The following MAP1A variants were observed in gnomAD, a reference collection of about 807,000 sequenced individuals.
MAP1A encodes the protein microtubule associated protein 1A, also known as microtubule-associated protein 1A.
A neutral mutation model predicts 185.9 loss-of-function variants in MAP1A; 42 were observed. That is an observed-to-expected ratio of 0.23 (90% CI 0.18 to 0.29). The LOEUF is 0.29. Among genes scored for constraint, MAP1A ranks in the 10% least tolerant of loss-of-function variants. The pLI is 1.00. For synonymous variants in MAP1A, 1,229 were observed against 1,335.9 expected (o/e 0.92, Z 1.74); for missense variants, 2,995 against 3,450.4 (o/e 0.87, Z 3.31).
rs753978176 is a variant in MAP1A, at chr15:43,528,726, G to A, written c.7253G>A (p.Gly2418Asp). 35 of 1,613,022 alleles carry A rather than the reference G, an allele frequency of 2.2e-5. 1 individual carries two copies. The highest frequency in any genetic ancestry group is 2.5e-5 in the Non-Finnish European group (30 of 1,179,560). Residue 2418 changes from glycine to aspartate, a missense_variant, in exon 4 of 6, where the codon GGC (glycine) becomes GAC (aspartate). Physicochemically the swap from Gly to Asp is moderately conservative, Grantham distance 94. Transcript: ENST00000300231. ...SPEQPVCPAG[G>D]SGGPPSSASP... The stretch of plus-strand genomic sequence containing the variant: ...GAGCAGCCAGTGTGTCCTGCAGGGG[G>A]CTCCGGGGGCCCACCCAGCAGTGCC...
At chr15:43,512,275 C>G in exon 2 of MAP1A, 2 of 1,543,888 alleles carry the variant, frequency 1.3e-6, no homozygotes, top group East Asian at 2.4e-5. Flanking sequence ...TAGCTCACTT[C>G]TCCTCAGAGG....
chr15:43,517,528 G>C (rs374278565), upstream of MAP1A: 4 of 192,386 alleles, frequency 2.1e-5, no homozygotes, highest in Non-Finnish European at 3.8e-5. Context: ...CCAGTGCCTC[G>C]TCACGGACCA....
intron 1 of MAP1A, among the ~76,000 whole-genome samples, chr15:43,511,657 T>C (rs2079279287): frequency 6.6e-6 from 1 of 152,212 alleles, no homozygotes; most frequent in Non-Finnish European, 1.5e-5. Flanking sequence ...TGAATGCCAG[T>C]AGCCAACCAC....
chr15:43,529,453 G>T lies in MAP1A; in HGVS notation c.7980G>T (p.Lys2660Asn). The stretch of plus-strand genomic sequence containing the variant: ...GCCAGGTCACCCCAGCAGAGGAAAA[G>T]GATGGACACAGCCCCATGTCCAAAG... ...TTSQVTPAEE[K>N]DGHSPMSKGL... Residue 2660 changes from lysine to asparagine, a missense_variant, in exon 4 of 6, where the codon AAG (lysine) becomes AAT (asparagine). Physicochemically the swap from Lys to Asn is moderately conservative, Grantham distance 94. Coordinates refer to ENST00000300231, the MANE Select transcript of MAP1A (RefSeq NM_002373.6). The surrounding 1 kb of genome is among the most constrained non-coding windows in gnomAD (Gnocchi z 4.3). The T allele has an allele frequency of 6.2e-7, 1 of 1,613,538 alleles. No homozygotes were observed. Among genetic ancestry groups the T allele is most frequent in the Non-Finnish European group, 8.5e-7 (1 of 1,179,684 alleles).
Position 43,529,755 on chromosome 15 carries a change from G to A in MAP1A, c.8141G>A (p.Arg2714Gln), listed in dbSNP as rs764645515. ...GKTADLDFFR[R>Q]VRASYYVVSG... Reference sequence around the variant, plus strand: ...ACTGCTGACCTTGACTTCTTCCGTCGAGTGCGTGCATCCTACTATGTGGTC... The same window carrying A: ...ACTGCTGACCTTGACTTCTTCCGTCAAGTGCGTGCATCCTACTATGTGGTC... Residue 2714 changes from arginine (R) to glutamine (Q), a missense_variant, in exon 5 of 6, where the codon CGA becomes CAA. By Grantham distance (43) the Arg-to-Gln change is conservative. Transcript: ENST00000300231. This position sits in a 1 kb window ranked among gnomAD's most constrained non-coding sequence, Gnocchi z 4.3. The A allele has an allele frequency of 5.0e-6, 8 of 1,613,990 alleles. No homozygotes were observed. Among genetic ancestry groups the A allele is most frequent in the African/African-American group, 1.3e-5 (1 of 74,904 alleles).
In MAP1A at chr15:43,522,986, C is replaced by G; in HGVS notation, c.1513C>G (p.Pro505Ala). The change falls in exon 4 of 6, where the codon CCC becomes GCC. Residue 505 changes from proline to alanine, a missense_variant. By Grantham distance (27) the Pro-to-Ala change is conservative (BLOSUM62 -1). Around this residue, in one of 3 missense-constraint regions of MAP1A, gnomAD observed 2,728 missense variants for 2,986.0 expected, o/e 0.91. Coordinates refer to ENST00000300231, the MANE Select transcript of MAP1A (RefSeq NM_002373.6). The surrounding 1 kb of genome is among the most constrained non-coding windows in gnomAD (Gnocchi z 5.9). ...GGAGCTGTCTTCTGAGCCCCAGACA[C>G]CCCCAGCCCAGAAGGGAACTGTACC... ...EKELSSEPQT[P>A]PAQKGTVPLP... is the part of the protein sequence containing the mutation. 8.7e-6 allele frequency: 14 copies of G among 1,614,196 alleles called. No individual in the cohort carries two copies. Among genetic ancestry groups the G allele is most frequent in the Non-Finnish European group, 1.2e-5 (14 of 1,180,038 alleles).
intron 1 of MAP1A, among the ~76,000 whole-genome samples, chr15:43,519,748 G>T (rs1433217333): frequency 2.0e-5 from 3 of 152,168 alleles, no homozygotes; most frequent in African/African-American, 7.2e-5. Flanking sequence ...CATGGCCTGG[G>T]GAACACCCTG....
Position 43,526,119 on chromosome 15 carries a change from A to G in MAP1A, c.4646A>G (p.Gln1549Arg), listed in dbSNP as rs1225001350. 6.2e-7 allele frequency: 1 copy of G among 1,613,980 alleles called. No homozygotes were observed. The highest frequency in any genetic ancestry group is 8.5e-7 in the Non-Finnish European group (1 of 1,180,052). ...GATAAAGTCTCAGAAAAGAAGGATC[A>G]GGCCTTAGAACAAAAATACTGGGCT... Reference protein sequence around the residue: ...QKDKVSEKKDQALEQKYWALG... With the variant: ...QKDKVSEKKDRALEQKYWALG... Residue 1549 changes from glutamine to arginine, a missense_variant, in exon 4 of 6, where the codon CAG becomes CGG. Physicochemically the swap from Gln to Arg is conservative, Grantham distance 43 (BLOSUM62 1). Around this residue, in one of 3 missense-constraint regions of MAP1A, gnomAD observed 2,728 missense variants for 2,986.0 expected, o/e 0.91. Coordinates refer to ENST00000300231, the MANE Select transcript of MAP1A (RefSeq NM_002373.6). The surrounding 1 kb of genome is among the most constrained non-coding windows in gnomAD (Gnocchi z 4.7).
rs769939842 is a variant in MAP1A, at chr15:43,529,449, A to G, written c.7976A>G (p.Glu2659Gly). 1 of 1,613,410 alleles carries G rather than the reference A, an allele frequency of 6.2e-7. No homozygotes were observed. The highest frequency in any genetic ancestry group is 1.1e-5 in the South Asian group (1 of 91,014). ...ACAAGCCAGGTCACCCCAGCAGAGGAAAAGGATGGACACAGCCCCATGTCC... is the reference window on the plus strand; with the variant it reads ...ACAAGCCAGGTCACCCCAGCAGAGGGAAAGGATGGACACAGCCCCATGTCC... ...STTSQVTPAE[E>G]KDGHSPMSKG... The change falls in exon 4 of 6, where the codon GAA becomes GGA. Residue 2659 changes from glutamate to glycine, a missense_variant. Physicochemically the swap from Glu to Gly is moderately conservative, Grantham distance 98 (BLOSUM62 -2). Around this residue, in one of 3 missense-constraint regions of MAP1A, gnomAD observed 2,728 missense variants for 2,986.0 expected, o/e 0.91. Transcript: ENST00000300231. This position sits in a 1 kb window ranked among gnomAD's most constrained non-coding sequence, Gnocchi z 4.3.
chr15:43,514,709 C>T (rs2079292237), upstream of MAP1A, among the ~76,000 whole-genome samples: 2 of 152,264 alleles, frequency 1.3e-5, no homozygotes, highest in African/African-American at 4.8e-5. Flanking sequence ...CTGGTAAAAG[C>T]TTTCAAAGGT....
At chr15:43,515,995 T>G (rs2079295754), upstream of MAP1A, among the ~76,000 whole-genome samples, 1 of 152,166 alleles carries the variant, frequency 6.6e-6, no homozygotes, top group African/African-American at 2.4e-5. Context: ...ATGGGTGGGC[T>G]CTGTATTGGT....
exon 2 of MAP1A, chr15:43,512,289 A>G (rs1250741872): frequency 6.5e-7 from 1 of 1,529,908 alleles, no homozygotes; most frequent in Non-Finnish European, 8.9e-7. Flanking sequence ...TCAGAGGTCA[A>G]AGGTTAGGAC....
chr15:43,520,512 C>T, intron 1 of MAP1A, 129 bp from the exon 2 acceptor site: 1 of 688,414 alleles, frequency 1.5e-6, no homozygotes, highest in Non-Finnish European at 2.6e-6. Context: ...CAGCAGTATC[C>T]AAGGTGGCAG....
chr15:43,518,733 G>T (rs1020997324), intron 1 of MAP1A, among the ~76,000 whole-genome samples: 2 of 120,592 alleles, frequency 1.7e-5, no homozygotes, highest in African/African-American at 8.1e-5. Context: ...TCCAGCACTG[G>T]CTGAGCACTG....
chr15:43,527,284 C>T lies in MAP1A; in HGVS notation c.5811C>T (p.Ala1937=), dbSNP rs748927119. 3 of 1,614,132 alleles carry T rather than the reference C, an allele frequency of 1.9e-6. No individual in the cohort carries two copies. The highest frequency in any genetic ancestry group is 1.7e-5 in the Admixed American group (1 of 60,026). ...KSSHSSKVPE[A]SKSHATTEPE... The stretch of plus-strand genomic sequence containing the variant: ...CACACAGCTCAAAGGTACCAGAGGC[C>T]AGCAAAAGCCATGCCACCACGGAGC... Residue 1937 remains alanine, a synonymous_variant, in exon 4 of 6, where the codon GCC becomes GCT. Transcript: ENST00000300231.
In MAP1A at chr15:43,523,455, TGGA is replaced by T. The variant is rs1004032296; in HGVS notation, c.1988_1990del (p.Glu663del). 6.2e-7 allele frequency: 1 copy of T among 1,613,526 alleles called. No individual in the cohort carries two copies. Among genetic ancestry groups the T allele is most frequent in the African/African-American group, 1.3e-5 (1 of 74,776 alleles). On this transcript the variant is annotated inframe_deletion, in exon 4 of 6. Coordinates refer to ENST00000300231, the MANE Select transcript of MAP1A (RefSeq NM_002373.6). ...ATAGAAAAGGCTGAGTTAGAAGAAA[TGGA>T]GGAGGTACACCCTTCAGATGAGGAG...
Position 43,529,764 on chromosome 15 carries a change from C to T in MAP1A, c.8150C>T (p.Ala2717Val). 1 of 1,614,150 alleles carries T rather than the reference C, an allele frequency of 6.2e-7. No homozygotes were observed. The change falls in exon 5 of 6, where the codon GCA (alanine) becomes GTA (valine). Residue 2717 changes from alanine to valine, a missense_variant. This residue lies in a region of MAP1A where 2,728 missense variants were observed against 2,986.0 expected (regional missense o/e 0.91). Coordinates refer to ENST00000300231, the MANE Select transcript of MAP1A (RefSeq NM_002373.6). The surrounding 1 kb of genome is among the most constrained non-coding windows in gnomAD (Gnocchi z 4.3). ...ADLDFFRRVR[A>V]SYYVVSGNDP... ...CTTGACTTCTTCCGTCGAGTGCGTG[C>T]ATCCTACTATGTGGTCAGTGGGAAT...
upstream of MAP1A, among the ~76,000 whole-genome samples, chr15:43,517,312 C>A (rs548670149): frequency 5.3e-5 from 8 of 152,254 alleles, no homozygotes; most frequent in South Asian, 1.5e-3. Context: ...CCTATAGCCT[C>A]GCTCTGTGCC....
Position 43,526,807 on chromosome 15 carries a change from T to C in MAP1A, c.5334T>C (p.Val1778=), listed in dbSNP as rs1465353330. 4 of 1,614,124 alleles carry C rather than the reference T, an allele frequency of 2.5e-6. No individual in the cohort carries two copies. Among genetic ancestry groups the C allele is most frequent in the Non-Finnish European group, 2.5e-6 (3 of 1,180,010 alleles). Residue 1778 remains valine (V), a synonymous_variant, in exon 4 of 6, where the codon GTT becomes GTC. Transcript: ENST00000300231. The surrounding 1 kb of genome is among the most constrained non-coding windows in gnomAD (Gnocchi z 4.7). ...EVERWLAESP[V]GLPPEEEDKL... is the part of the protein sequence containing the mutation. Reference sequence around the variant, plus strand: ...AGCGCTGGCTTGCTGAATCACCAGTTGGGTTGCCACCAGAGGAAGAGGACA... The same window carrying C: ...AGCGCTGGCTTGCTGAATCACCAGTCGGGTTGCCACCAGAGGAAGAGGACA...
Sources: allele counts gnomAD v4.1 joint callset (sites outside exome capture counted in the v4.1 genomes callset), GRCh38; gene constraint gnomAD v4.1.1; regional missense constraint gnomAD v4.1.1; non-coding constraint Gnocchi (gnomAD v3.1); transcripts MANE v1.5; gene names NCBI Gene and HGNC (gene_info 2026-07-23, HGNC 2026-07-21).